DNAJC6: variants seen among roughly 807,000 people sequenced by gnomAD.
DNAJC6 encodes auxilin.
In DNAJC6, 34 loss-of-function variants were observed where a neutral mutation model predicts 110.0. The ratio of observed to expected loss-of-function variants is 0.31; its 90% confidence interval spans 0.24 to 0.41. DNAJC6 has a LOEUF of 0.41. Ranked by LOEUF, DNAJC6 falls within the 10% of genes least tolerant of loss-of-function variation. DNAJC6 has a pLI of 1.00. For synonymous variants in DNAJC6, 406 were observed against 437.2 expected (o/e 0.93, Z 0.89); for missense variants, 1,031 against 1,207.8 (o/e 0.85, Z 2.17).
intron 17 of DNAJC6, 140 bp downstream of exon 17, chr1:65,408,923 G>C: frequency 1.9e-6 from 2 of 1,057,042 alleles, no homozygotes; most frequent in Non-Finnish European, 2.6e-6. Flanking sequence ...CCATAAACTA[G>C]GTGGCTTATA....
chr1:65,399,646 C>T (rs1646011474), intron 14 of DNAJC6, among the ~76,000 whole-genome samples: 1 of 152,162 alleles, frequency 6.6e-6, no homozygotes, highest in African/African-American at 2.4e-5. Context: ...AACGAACCCA[C>T]CTCCCCACTG....
In DNAJC6 at chr1:65,392,428, C is replaced by T. The variant is rs1412233157; in HGVS notation, c.1469-3C>T. 1 of 1,586,500 alleles carries T rather than the reference C, an allele frequency of 6.3e-7. No individual in the cohort carries two copies. Among genetic ancestry groups the T allele is most frequent in the South Asian group, 1.2e-5 (1 of 86,334 alleles). On this transcript the variant is annotated splice_region_variant and splice_polypyrimidine_tract_variant and intron_variant, in intron 11 of 18. Transcript: ENST00000371069. ...TCTCTTATGGTATACTGGCCTTCCT[C>T]AGATCAGAAATCGGAGAAGTCATTC...
At position 65,365,386 on chromosome 1, in the gene DNAJC6, A is replaced by C. The variant is rs186413333; in HGVS notation, c.345-499A>C. On this transcript the variant is annotated intron_variant, in intron 2 of 18. Coordinates refer to ENST00000371069, the MANE Select transcript of DNAJC6 (RefSeq NM_001256864.2). ...CTTTGAGTTACAATATGCAGTTCTT[A>C]ATCAGAAATTCAAACGTCAAGTACA... Among the ~76,000 whole-genome samples the C allele has an allele frequency of 2.2e-3, 329 of 152,296 alleles. 3 individuals carry two copies. Among genetic ancestry groups the C allele is most frequent in the African/African-American group, 7.7e-3 (318 of 41,558 alleles).
intron 1 of DNAJC6, among the ~76,000 whole-genome samples, chr1:65,320,692 G>T (rs1645190190): frequency 6.6e-6 from 1 of 152,140 alleles, no homozygotes; most frequent in African/African-American, 2.4e-5. Flanking sequence ...TAAGACCTTG[G>T]CACTTATGAG....
chr1:65,379,655 TG>T (rs1299810516), intron 5 of DNAJC6, 131 bp downstream of exon 5: 26 of 1,290,406 alleles, frequency 2.0e-5, no homozygotes, highest in Non-Finnish European at 2.5e-5. Flanking sequence ...AATTGGGTAA[TG>T]TGAGAGTTGT....
At chr1:65,300,313 A>AC (rs1289447785) in intron 1 of DNAJC6, among the ~76,000 whole-genome samples, 3 of 152,058 alleles carry the variant, frequency 2.0e-5, no homozygotes, top group Non-Finnish European at 4.4e-5. Flanking sequence ...TGGTCCAAGT[A>AC]CCTGCTGGAG....
intron 1 of DNAJC6, among the ~76,000 whole-genome samples, chr1:65,266,980 TC>T (rs1653355326): frequency 6.6e-6 from 1 of 151,156 alleles, no homozygotes; most frequent in Admixed American, 6.6e-5. Context: ...CACTGCAACC[TC>T]TGCCTCCCAG....
rs58984648 is a variant in DNAJC6, at chr1:65,269,068, TAGG to T, written c.-131+4138_-131+4140del. On this transcript the variant is annotated intron_variant, in intron 1 of 19. Transcript: ENST00000263441. ...AAAGTTACACATAACATTTTAATAG[TAGG>T]ATTTAAAAGTTGTCATGACTGGGCG... Among the ~76,000 whole-genome samples the T allele has an allele frequency of 5.4e-3, 824 of 152,160 alleles. 2 individuals are homozygous for T. The highest frequency in any genetic ancestry group is 0.019 in the African/African-American group (797 of 41,518).
chr1:65,392,177 T>C (rs1195618071), intron 11 of DNAJC6, among the ~76,000 whole-genome samples: 1 of 152,206 alleles, frequency 6.6e-6, no homozygotes, highest in South Asian at 2.1e-4. Context: ...GTAGTGAAGC[T>C]GAGATTCAGT....
upstream of DNAJC6, among the ~76,000 whole-genome samples, chr1:65,306,972 T>TTC (rs144458447): frequency 6.2e-3 from 556 of 90,324 alleles, 2 homozygotes; most frequent in Non-Finnish European, 7.5e-3. Flanking sequence ...CTCAATCTGT[T>TTC]TCTCTCTCTC....
intron 1 of DNAJC6, among the ~76,000 whole-genome samples, chr1:65,295,998 G>C (rs1237820845): frequency 6.6e-6 from 1 of 152,210 alleles, no homozygotes; most frequent in Non-Finnish European, 1.5e-5. Flanking sequence ...TGTACCATGA[G>C]CTTAAGACAT....
At chr1:65,272,054 C>T (rs1235170833) in intron 1 of DNAJC6, among the ~76,000 whole-genome samples, 2 of 151,936 alleles carry the variant, frequency 1.3e-5, no homozygotes, top group African/African-American at 4.8e-5. Context: ...ACTTTTTCCC[C>T]TTTGTCTCAT....
At chr1:65,386,118 A>C (rs1002177570) in intron 7 of DNAJC6, among the ~76,000 whole-genome samples, 1 of 152,220 alleles carries the variant, frequency 6.6e-6, no homozygotes, top group Admixed American at 6.5e-5. Flanking sequence ...GATATAGGCT[A>C]AGGGACTAGC....
intron 13 of DNAJC6, among the ~76,000 whole-genome samples, chr1:65,397,476 T>C (rs900894995): frequency 7.9e-5 from 12 of 152,350 alleles, no homozygotes; most frequent in Admixed American, 5.2e-4. Flanking sequence ...GGTAATTACC[T>C]TTTTGAAAAA....
At chr1:65,337,744 G>A (rs1645351278) in intron 1 of DNAJC6, among the ~76,000 whole-genome samples, 1 of 152,186 alleles carries the variant, frequency 6.6e-6, no homozygotes, top group Non-Finnish European at 1.5e-5. Flanking sequence ...ATGATTTAAA[G>A]TATATGGGAG....
chr1:65,317,586 A>C (rs1163942900), intron 1 of DNAJC6, among the ~76,000 whole-genome samples: 6 of 152,356 alleles, frequency 3.9e-5, no homozygotes, highest in East Asian at 3.9e-4. Flanking sequence ...CAAGGAAGCA[A>C]CCAGATGAGC....
chr1:65,314,033 A>G (rs1308342948), intron 1 of DNAJC6, among the ~76,000 whole-genome samples: 1 of 152,204 alleles, frequency 6.6e-6, no homozygotes. Flanking sequence ...CATAATGACA[A>G]ACTGAAAAAG....
chr1:65,392,730 G>T lies in DNAJC6; in HGVS notation c.1768G>T (p.Ala590Ser), dbSNP rs1387607681. ...LLSDLFGGGG[A>S]AGPTQAGQSG... is the part of the protein sequence containing the mutation. The stretch of plus-strand genomic sequence containing the variant: ...GAGTGACCTGTTTGGGGGTGGAGGT[G>T]CAGCTGGTCCCACCCAGGCTGGACA... The change falls in exon 12 of 19, where the codon GCA (alanine) becomes TCA (serine). Residue 590 changes from alanine to serine, a missense_variant. By Grantham distance (99) the Ala-to-Ser change is moderately conservative. Transcript: ENST00000371069. The T allele has an allele frequency of 6.2e-7, 1 of 1,612,728 alleles. No individual in the cohort carries two copies. Among genetic ancestry groups the T allele is most frequent in the African/African-American group, 1.3e-5 (1 of 75,020 alleles).
intron 14 of DNAJC6, among the ~76,000 whole-genome samples, chr1:65,400,730 A>G (rs1646023094): frequency 6.6e-6 from 1 of 152,204 alleles, no homozygotes; most frequent in South Asian, 2.1e-4. Flanking sequence ...CCATTCATCC[A>G]TTAATGGACA....
Sources: gnomAD v4.1 joint callset for allele counts (sites outside exome capture counted in the v4.1 genomes callset) on GRCh38, gnomAD v4.1.1 for gene constraint, MANE v1.5 for transcripts, NCBI Gene and HGNC (gene_info 2026-07-23, HGNC 2026-07-21) for gene names.